UBXN4: variants seen among roughly 807,000 people sequenced by gnomAD.
The protein encoded by UBXN4 is UBX domain-containing protein 4.
UBXN4 carries 35 observed loss-of-function variants against 66.2 expected under a neutral mutation model. That is an observed-to-expected ratio of 0.53 (90% confidence interval 0.40 to 0.70). UBXN4 has a LOEUF of 0.70. Ranked by LOEUF, UBXN4 falls within the 30% of genes least tolerant of loss-of-function variation. UBXN4 has a pLI of 0.00. For missense variants in UBXN4, 533 were observed against 599.8 expected, an observed-to-expected ratio of 0.89 and a Z score of 1.16; for synonymous variants, 203 against 204.5, an observed-to-expected ratio of 0.99 and a Z score of 0.06.
intron 9 of UBXN4, among the ~76,000 whole-genome samples, chr2:135,775,788 A>G (rs1416784852): frequency 6.6e-6 from 1 of 152,208 alleles, no homozygotes; most frequent in Admixed American, 6.5e-5. Flanking sequence ...TTTGTTTGAG[A>G]TGGAGTCTCG....
At chr2:135,750,965 C>T (rs533801655) in intron 2 of UBXN4, among the ~76,000 whole-genome samples, 1 of 146,664 alleles carries the variant, frequency 6.8e-6, no homozygotes, top group African/African-American at 2.5e-5. Context: ...ACGCCATTCT[C>T]CTGCCTCAGC....
chr2:135,770,274 A>G (rs1377090125), intron 7 of UBXN4, among the ~76,000 whole-genome samples: 1 of 152,186 alleles, frequency 6.6e-6, no homozygotes, highest in Non-Finnish European at 1.5e-5. Flanking sequence ...ATTTCATTCA[A>G]GCCAAATACG....
At chr2:135,770,476 T>C (rs2105504909) in intron 7 of UBXN4, 95 bp from the exon 8 acceptor site, 1 of 832,968 alleles carries the variant, frequency 1.2e-6, no homozygotes, top group East Asian at 3.0e-5. Context: ...TTTTATGAAG[T>C]TTTATTCTTT....
intron 6 of UBXN4, among the ~76,000 whole-genome samples, chr2:135,765,153 A>T (rs2077339289): frequency 6.6e-6 from 1 of 152,100 alleles, no homozygotes; most frequent in African/African-American, 2.4e-5. Context: ...GATGTGAAAT[A>T]GGAATCTTTT....
intron 1 of UBXN4, among the ~76,000 whole-genome samples, chr2:135,744,970 T>G (rs2077197447): frequency 6.6e-6 from 1 of 152,150 alleles, no homozygotes; most frequent in African/African-American, 2.4e-5. Flanking sequence ...GGTTGAGACA[T>G]CTGGGACCCT....
chr2:135,763,984 G>A (rs574660453), intron 6 of UBXN4, among the ~76,000 whole-genome samples: 25 of 151,598 alleles, frequency 1.6e-4, no homozygotes, highest in African/African-American at 4.8e-4. Flanking sequence ...AAAATTAGCT[G>A]GGCATGGCAC....
chr2:135,776,936 T>A (rs2105508481), intron 10 of UBXN4, among the ~76,000 whole-genome samples: 1 of 152,238 alleles, frequency 6.6e-6, no homozygotes, highest in Non-Finnish European at 1.5e-5. Context: ...ATTGAAGGAG[T>A]GACAGGCAAG....
intron 9 of UBXN4, among the ~76,000 whole-genome samples, chr2:135,775,798 G>T (rs138972947): frequency 1.3e-5 from 2 of 152,022 alleles, no homozygotes; most frequent in Non-Finnish European, 2.9e-5. Context: ...ATGGAGTCTC[G>T]CTCTATTGCC....
chr2:135,773,410 A>AGAGATGG (rs1367370007), intron 9 of UBXN4, among the ~76,000 whole-genome samples: 1 of 152,176 alleles, frequency 6.6e-6, no homozygotes, highest in Non-Finnish European at 1.5e-5. Flanking sequence ...CCCAGACAGA[A>AGAGATGG]GAGATTAACC....
At chr2:135,768,607 A>G (rs559351697) in intron 6 of UBXN4, among the ~76,000 whole-genome samples, 2 of 151,302 alleles carry the variant, frequency 1.3e-5, no homozygotes, top group South Asian at 4.2e-4. Flanking sequence ...ACTCTCGCCC[A>G]GGCTGGAGTA....
At chr2:135,768,896 C>G (rs2077364641) in intron 6 of UBXN4, among the ~76,000 whole-genome samples, 2 of 151,540 alleles carry the variant, frequency 1.3e-5, no homozygotes, top group Non-Finnish European at 2.9e-5. Context: ...AAGATGGGGT[C>G]TCAAGTTGTT....
intron 9 of UBXN4, among the ~76,000 whole-genome samples, chr2:135,773,028 C>T (rs1210980099): frequency 7.4e-6 from 1 of 135,784 alleles, no homozygotes; most frequent in African/African-American, 2.9e-5. Context: ...CAGAGCGAGA[C>T]TCCGTCCCCA....
chr2:135,780,138 T>C (rs1446994022), intron 11 of UBXN4, 45 bp from the exon 12 acceptor site: 1 of 1,581,100 alleles, frequency 6.3e-7, no homozygotes, highest in Non-Finnish European at 8.7e-7. Flanking sequence ...CGTGATGTGA[T>C]TGTGCTAACG....
intron 6 of UBXN4, among the ~76,000 whole-genome samples, chr2:135,767,048 C>A (rs1575320454): frequency 6.6e-6 from 1 of 152,012 alleles, no homozygotes; most frequent in Non-Finnish European, 1.5e-5. Context: ...ACACCAGCAC[C>A]CAGATGAAGG....
chr2:135,750,352 T>C (rs1464201390), intron 2 of UBXN4, among the ~76,000 whole-genome samples: 1 of 152,056 alleles, frequency 6.6e-6, no homozygotes, highest in African/African-American at 2.4e-5. Context: ...ATGAATAATG[T>C]GTTTGAAAAT....
At chr2:135,776,399 A>T (rs369407082) in intron 10 of UBXN4, 48 bp downstream of exon 10, 3 of 1,507,088 alleles carry the variant, frequency 2.0e-6, no homozygotes, top group Non-Finnish European at 2.7e-6. Context: ...GTAGGTTACT[A>T]AATTATAGGA....
intron 1 of UBXN4, among the ~76,000 whole-genome samples, chr2:135,743,478 T>G (rs1053178738): frequency 1.4e-4 from 22 of 152,204 alleles, no homozygotes; most frequent in African/African-American, 5.1e-4. Flanking sequence ...AGAACAGGTT[T>G]AATTATCCCC....
chr2:135,775,067 A>T (rs2077405049), intron 9 of UBXN4, among the ~76,000 whole-genome samples: 1 of 152,218 alleles, frequency 6.6e-6, no homozygotes, highest in Admixed American at 6.5e-5. Flanking sequence ...ATCATTAGTC[A>T]TTAGGGAAAT....
At chr2:135,756,140 T>C (rs2077277715) in intron 5 of UBXN4, among the ~76,000 whole-genome samples, 1 of 152,064 alleles carries the variant, frequency 6.6e-6, no homozygotes, top group African/African-American at 2.4e-5. Flanking sequence ...GAAATAGAGC[T>C]TGTAGAAGTA....
Sources: gnomAD v4.1 joint callset for allele counts (sites outside exome capture counted in the v4.1 genomes callset) on GRCh38, gnomAD v4.1.1 for gene constraint, MANE v1.5 for transcripts, NCBI Gene and HGNC (gene_info 2026-07-23, HGNC 2026-07-21) for gene names.